Variants in LINGO2 observed in about 807,000 individuals in gnomAD.
The protein encoded by LINGO2 is leucine-rich repeat and immunoglobulin-like domain-containing nogo receptor-interacting protein 2.
In LINGO2, 14 loss-of-function variants were observed where a neutral mutation model predicts 30.6. The observed-to-expected ratio is 0.46, with a 90% CI of 0.30 to 0.72. The LOEUF is 0.72. LINGO2 is among the 30% of genes least tolerant of loss of function. The probability of loss-of-function intolerance (pLI) is 0.07; values close to 1 mark genes in which losing one functional copy is unlikely to be tolerated. For synonymous variants in LINGO2, 317 were observed against 288.5 expected (o/e 1.10, Z -1.00); for missense variants, 729 against 751.7 (o/e 0.97, Z 0.35).
chr9:28,999,311 T>C, the LINGO2 span, among the ~76,000 whole-genome samples: 3 of 152,062 alleles, frequency 2.0e-5, no homozygotes, highest in Non-Finnish European at 4.4e-5. Context: ...ACATGTAAGC[T>C]TCATTTCTCC....
At chr9:29,134,964 G>T in the LINGO2 span, among the ~76,000 whole-genome samples, 18 of 151,352 alleles carry the variant, frequency 1.2e-4, no homozygotes, top group Non-Finnish European at 2.1e-4. Context: ...CATCAACAGA[G>T]TTTTTTTTAT....
At chr9:28,587,321 G>C in intron 1 of LINGO2, among the ~76,000 whole-genome samples, 1 of 152,008 alleles carries the variant, frequency 6.6e-6, no homozygotes, top group East Asian at 1.9e-4. Flanking sequence ...AGCTAGAGCA[G>C]AAAGGCATAA....
chr9:28,641,542 C>T (rs1192512325), intron 1 of LINGO2, among the ~76,000 whole-genome samples: 2 of 152,114 alleles, frequency 1.3e-5, no homozygotes, highest in Non-Finnish European at 2.9e-5. Flanking sequence ...CTAGAGGAGA[C>T]CCAACATAGA....
chr9:28,030,588 G>T (rs1049339141), intron 4 of LINGO2, among the ~76,000 whole-genome samples: 6 of 152,206 alleles, frequency 3.9e-5, no homozygotes, highest in Admixed American at 3.9e-4. Context: ...AATGCTTTAA[G>T]TATCTAACAG....
At chr9:28,529,292 T>C (rs1227665169) in intron 1 of LINGO2, among the ~76,000 whole-genome samples, 2 of 152,178 alleles carry the variant, frequency 1.3e-5, no homozygotes, top group East Asian at 1.9e-4. Flanking sequence ...GAGACTATGA[T>C]TAAATTTATA....
chr9:28,038,767 C>G (rs887085655), intron 4 of LINGO2, among the ~76,000 whole-genome samples: 16 of 151,654 alleles, frequency 1.1e-4, no homozygotes, highest in Non-Finnish European at 1.5e-5. Flanking sequence ...AAATCAAACA[C>G]TCCAACAAAC....
At chr9:29,156,299 A>C in the LINGO2 span, among the ~76,000 whole-genome samples, 1 of 152,128 alleles carries the variant, frequency 6.6e-6, no homozygotes, top group African/African-American at 2.4e-5. Flanking sequence ...ACACTGAGCA[A>C]GTGAAAATGT....
the LINGO2 span, among the ~76,000 whole-genome samples, chr9:29,005,334 C>T: frequency 7.9e-5 from 12 of 152,008 alleles, no homozygotes; most frequent in East Asian, 3.9e-4. Flanking sequence ...CACAAACACA[C>T]ACAACATATG....
chr9:28,125,910 T>C (rs1025191053), intron 4 of LINGO2, among the ~76,000 whole-genome samples: 1 of 152,212 alleles, frequency 6.6e-6, no homozygotes, highest in Non-Finnish European at 1.5e-5. Flanking sequence ...CCATCATTTG[T>C]GATAAACACT....
At chr9:28,565,189 T>G (rs1287524367) in intron 1 of LINGO2, among the ~76,000 whole-genome samples, 1 of 152,134 alleles carries the variant, frequency 6.6e-6, no homozygotes, top group Non-Finnish European at 1.5e-5. Flanking sequence ...TGCTTTAAAC[T>G]ATCAAAAAAT....
chr9:28,464,501 C>T (rs999281515), intron 2 of LINGO2, among the ~76,000 whole-genome samples: 4 of 152,236 alleles, frequency 2.6e-5, no homozygotes, highest in African/African-American at 9.6e-5. Flanking sequence ...GTTAAATATA[C>T]AGTTCCTTAT....
chr9:28,389,130 C>A (rs1280283600), intron 2 of LINGO2, among the ~76,000 whole-genome samples: 2 of 152,130 alleles, frequency 1.3e-5, no homozygotes. Context: ...TTGGGCATGT[C>A]TCCTTAGATG....
At chr9:29,179,905 G>A in the LINGO2 span, among the ~76,000 whole-genome samples, 4 of 152,274 alleles carry the variant, frequency 2.6e-5, no homozygotes, top group South Asian at 8.3e-4. Context: ...AACTTCTGAA[G>A]TTTTACAATG....
At chr9:28,051,551 A>AATTCCTAC (rs1307802663) in intron 4 of LINGO2, among the ~76,000 whole-genome samples, 1 of 152,098 alleles carries the variant, frequency 6.6e-6, no homozygotes, top group Non-Finnish European at 1.5e-5. Flanking sequence ...GGAACAGATA[A>AATTCCTAC]ATTCCTACCT....
chr9:28,036,102 A>G (rs1341033388), intron 4 of LINGO2, among the ~76,000 whole-genome samples: 3 of 152,196 alleles, frequency 2.0e-5, no homozygotes, highest in Admixed American at 1.3e-4. Context: ...AATGAGACCT[A>G]AAGGAGTTTT....
At chr9:28,759,666 A>G in the LINGO2 span, among the ~76,000 whole-genome samples, 1 of 151,532 alleles carries the variant, frequency 6.6e-6, no homozygotes, top group Non-Finnish European at 1.5e-5. Context: ...TGGGCGATAG[A>G]GCAAGAATCT....
At chr9:28,023,461 A>T (rs1438998177) in intron 4 of LINGO2, among the ~76,000 whole-genome samples, 1 of 152,130 alleles carries the variant, frequency 6.6e-6, no homozygotes, top group South Asian at 2.1e-4. Context: ...CACTGTTACT[A>T]TATTGGAAAC....
At chr9:29,017,750 A>G in the LINGO2 span, among the ~76,000 whole-genome samples, 1 of 152,092 alleles carries the variant, frequency 6.6e-6, no homozygotes, top group Admixed American at 6.6e-5. Flanking sequence ...GAGAACCCAC[A>G]GGAGATCCAC....
intron 5 of LINGO2, among the ~76,000 whole-genome samples, chr9:28,009,465 T>C (rs1376335562): frequency 1.3e-5 from 2 of 151,946 alleles, no homozygotes; most frequent in East Asian, 3.9e-4. Flanking sequence ...CATTTGTAAA[T>C]TATAAATATA....
Sources: allele counts gnomAD v4.1 joint callset (sites outside exome capture counted in the v4.1 genomes callset), GRCh38; gene constraint gnomAD v4.1.1; transcripts MANE v1.5; gene names NCBI Gene and HGNC (gene_info 2026-07-23, HGNC 2026-07-21).